Variants in SUGCT observed in about 807,000 individuals in gnomAD.
The protein encoded by SUGCT is succinyl-CoA:glutarate CoA-transferase.
A neutral mutation model predicts 55.0 loss-of-function variants in SUGCT; 41 were observed. That is an observed-to-expected ratio of 0.74 (90% CI 0.58 to 0.97). The LOEUF is 0.97. Among genes scored for constraint, SUGCT ranks in the 50% least tolerant of loss-of-function variants. The pLI is 0.00. For missense variants in SUGCT, 568 were observed against 547.8 expected, an observed-to-expected ratio of 1.04 and a Z score of -0.37; for synonymous variants, 187 against 200.4, an observed-to-expected ratio of 0.93 and a Z score of 0.56.
the SUGCT span, among the ~76,000 whole-genome samples, chr7:40,892,009 CA>C: frequency 5.0e-5 from 7 of 141,064 alleles, no homozygotes; most frequent in East Asian, 2.1e-4. Context: ...TCTGTCTCAA[CA>C]AAAAAAAAAG....
chr7:40,575,895 GA>G (rs1796719487), intron 12 of SUGCT, among the ~76,000 whole-genome samples: 1 of 148,148 alleles, frequency 6.8e-6, no homozygotes, highest in Admixed American at 6.8e-5. Flanking sequence ...AGTGAGCCGA[GA>G]TTGTGCCACT....
At chr7:40,139,156 A>AATC (rs1554344703) in intron 1 of SUGCT, among the ~76,000 whole-genome samples, 1,805 of 149,376 alleles carry the variant, frequency 0.012, 40 homozygotes, top group African/African-American at 0.043. Flanking sequence ...ATAAATAAAT[A>AATC]AATAAATAAA....
intron 12 of SUGCT, among the ~76,000 whole-genome samples, chr7:40,601,743 T>C (rs1798301008): frequency 6.6e-6 from 1 of 152,110 alleles, no homozygotes; most frequent in Non-Finnish European, 1.5e-5. Flanking sequence ...GAGGACTTTT[T>C]TTTTTTTTTC....
At chr7:41,008,972 C>T in the SUGCT span, among the ~76,000 whole-genome samples, 212 of 152,030 alleles carry the variant, frequency 1.4e-3, no homozygotes, top group Non-Finnish European at 2.3e-3. Context: ...ATCTCTGTTT[C>T]CAGTAGTATT....
chr7:40,276,817 G>GTGTGTC (rs776466354), intron 8 of SUGCT, among the ~76,000 whole-genome samples: 33,500 of 150,258 alleles, frequency 0.22, 4,369 homozygotes, highest in East Asian at 0.38. Flanking sequence ...GTGTGTGTGT[G>GTGTGTC]TGTCTGTCTG....
chr7:40,272,659 T>C (rs1792156583), intron 7 of SUGCT, among the ~76,000 whole-genome samples: 1 of 147,868 alleles, frequency 6.8e-6, no homozygotes, highest in Non-Finnish European at 1.5e-5. Context: ...ATTATTATTA[T>C]TATTATTTTT....
the SUGCT span, among the ~76,000 whole-genome samples, chr7:41,018,541 A>G: frequency 2.6e-5 from 4 of 152,228 alleles, no homozygotes; most frequent in African/African-American, 9.6e-5. Context: ...TTATTTTGAC[A>G]ATTACACAGC....
chr7:41,015,810 T>C, the SUGCT span, among the ~76,000 whole-genome samples: 3 of 152,214 alleles, frequency 2.0e-5, no homozygotes, highest in Admixed American at 6.5e-5. Context: ...CAATAGACCA[T>C]TAACATATAT....
intron 10 of SUGCT, among the ~76,000 whole-genome samples, chr7:40,453,895 C>T (rs1157322478): frequency 2.6e-5 from 4 of 152,118 alleles, no homozygotes; most frequent in Non-Finnish European, 5.9e-5. Context: ...TATAACAACG[C>T]TCTAACAAGC....
At chr7:40,960,034 C>A in the SUGCT span, among the ~76,000 whole-genome samples, 1 of 152,048 alleles carries the variant, frequency 6.6e-6, no homozygotes, top group African/African-American at 2.4e-5. Flanking sequence ...TTGAGATGTG[C>A]CAGGTACCTC....
chr7:40,449,216 T>C, intron 9 of SUGCT, 71 bp from the exon 10 acceptor site: 1 of 974,098 alleles, frequency 1.0e-6, no homozygotes, highest in Non-Finnish European at 1.6e-6. Flanking sequence ...TATATAGATA[T>C]TTTAGAAATT....
the SUGCT span, among the ~76,000 whole-genome samples, chr7:41,018,592 G>A: frequency 6.6e-6 from 1 of 152,134 alleles, no homozygotes; most frequent in Admixed American, 6.5e-5. Context: ...TTGTCTTTCA[G>A]AGATTGATAG....
the SUGCT span, among the ~76,000 whole-genome samples, chr7:41,001,316 C>T: frequency 6.6e-6 from 1 of 152,018 alleles, no homozygotes. Context: ...GTATAACATC[C>T]TGCTGAGATA....
Position 40,278,912 on chromosome 7 carries a change from G to A in SUGCT, c.720+4256G>A, listed in dbSNP as rs1487021144. On this transcript the variant is annotated intron_variant, in intron 8 of 13. Coordinates refer to ENST00000335693, the MANE Select transcript of SUGCT (RefSeq NM_001193313.2). ...TGCAATGATAGCTCACTGAAACCTC[G>A]AACTCCTGGGCTCAAACAATCCTCC... Among the ~76,000 whole-genome samples, 3 of 150,954 alleles carry A rather than the reference G, an allele frequency of 2.0e-5. No individual in the cohort carries two copies. The Admixed American group carries it at 2.0e-4, about 10-fold the overall frequency.
At chr7:40,857,748 A>G (rs1310719043) in intron 13 of SUGCT, among the ~76,000 whole-genome samples, 2 of 152,342 alleles carry the variant, frequency 1.3e-5, no homozygotes, top group African/African-American at 4.8e-5. Flanking sequence ...AAAAAGTCAC[A>G]AATTATATAT....
chr7:40,653,709 G>A (rs973959675), intron 12 of SUGCT, among the ~76,000 whole-genome samples: 1 of 152,186 alleles, frequency 6.6e-6, no homozygotes, highest in Non-Finnish European at 1.5e-5. Context: ...GTGAATCTCT[G>A]AGGGAACCAC....
At chr7:40,976,892 A>G in the SUGCT span, among the ~76,000 whole-genome samples, 1 of 152,186 alleles carries the variant, frequency 6.6e-6, no homozygotes, top group Non-Finnish European at 1.5e-5. Flanking sequence ...TCAATGAGGT[A>G]ATGGTCCCAC....
rs542229722 is a variant in SUGCT, at chr7:40,568,910, A to G, written c.1089+72524A>G. On this transcript the variant is annotated intron_variant, in intron 12 of 13. Coordinates refer to ENST00000335693, the MANE Select transcript of SUGCT (RefSeq NM_001193313.2). The stretch of plus-strand genomic sequence containing the variant: ...CTTGGGTTTGAATCCTGGCTCTGCT[A>G]TTTCCTAGCTGTGTGACCTTGGGGA... Among the ~76,000 whole-genome samples the G allele has an allele frequency of 5.3e-5, 8 of 152,260 alleles. No homozygotes were observed. The South Asian group carries it at 1.7e-3, about 32-fold the overall frequency.
At chr7:40,647,595 A>C (rs949019277) in intron 12 of SUGCT, among the ~76,000 whole-genome samples, 1 of 152,072 alleles carries the variant, frequency 6.6e-6, no homozygotes, top group African/African-American at 2.4e-5. Flanking sequence ...TCACGCATGT[A>C]CTCCCAGCAG....
Sources: gnomAD v4.1 joint callset for allele counts (sites outside exome capture counted in the v4.1 genomes callset) on GRCh38, gnomAD v4.1.1 for gene constraint, MANE v1.5 for transcripts, NCBI Gene and HGNC (gene_info 2026-07-23, HGNC 2026-07-21) for gene names.